The following PRPF6 variants were observed in gnomAD, a reference collection of about 807,000 sequenced individuals.
PRPF6 encodes pre-mRNA processing factor 6, also known as pre-mRNA-processing factor 6.
A neutral mutation model predicts 118.3 loss-of-function variants in PRPF6; 42 were observed. That is an observed-to-expected ratio of 0.35 (90% CI 0.28 to 0.46). The LOEUF (loss-of-function observed/expected upper bound fraction) is 0.46, where lower values mean the gene tolerates loss of function less well. Ranked by LOEUF, PRPF6 falls within the 20% of genes least tolerant of loss-of-function variation. The probability of loss-of-function intolerance (pLI) is 1.00; values close to 1 mark genes in which losing one functional copy is unlikely to be tolerated. For synonymous variants in PRPF6, 481 were observed against 485.1 expected, an observed-to-expected ratio of 0.99 and a Z score of 0.11; for missense variants, 662 against 1,255.7, an observed-to-expected ratio of 0.53 and a Z score of 7.15.
chr20:64,022,658 TATC>T lies in PRPF6; in HGVS notation c.1648-95_1648-93del, dbSNP rs563014510. On this transcript the variant is annotated intron_variant, in intron 12 of 20. Transcript: ENST00000266079. Reference sequence around the variant, plus strand: ...ACACTGTGGTACACCTTCTAGCAGATATCATCTTTCAGAATCGTATGAGCCTGG... The same window carrying T: ...ACACTGTGGTACACCTTCTAGCAGATATCTTTCAGAATCGTATGAGCCTGG... 5,454 of 1,546,000 alleles carry T rather than the reference TATC, an allele frequency of 3.5e-3. 17 individuals carry two copies. The highest frequency in any genetic ancestry group is 4.2e-3 in the Non-Finnish European group (4,744 of 1,121,572).
At chr20:64,014,665 TAAATAAAATA>T (rs970473093) in intron 11 of PRPF6, among the ~76,000 whole-genome samples, 4 of 150,938 alleles carry the variant, frequency 2.7e-5, no homozygotes, top group South Asian at 2.1e-4. Flanking sequence ...TCTCAAAAAA[TAAATAAAATA>T]AAATAAAATG....
At chr20:63,981,543 C>G (rs1048557872) in intron 1 of PRPF6, among the ~76,000 whole-genome samples, 2 of 152,106 alleles carry the variant, frequency 1.3e-5, no homozygotes, top group Non-Finnish European at 2.9e-5. Context: ...GTGTTTTGGT[C>G]TGTAAGATGG....
At chr20:64,004,645 C>G (rs532291506) in intron 9 of PRPF6, among the ~76,000 whole-genome samples, 1 of 152,150 alleles carries the variant, frequency 6.6e-6, no homozygotes, top group Non-Finnish European at 1.5e-5. Context: ...GCTGAGTAAC[C>G]TTAGGCATGG....
intron 6 of PRPF6, among the ~76,000 whole-genome samples, chr20:63,997,493 G>A (rs1428164877): frequency 2.7e-5 from 4 of 148,048 alleles, no homozygotes; most frequent in African/African-American, 7.5e-5. Context: ...GCCTGGCACC[G>A]TCACCCGAGC....
At chr20:64,013,005 A>G (rs2059221522) in intron 11 of PRPF6, among the ~76,000 whole-genome samples, 1 of 139,294 alleles carries the variant, frequency 7.2e-6, no homozygotes, top group Non-Finnish European at 1.5e-5. Flanking sequence ...CACCCAGGCT[A>G]GAGGGCTAGA....
intron 6 of PRPF6, among the ~76,000 whole-genome samples, chr20:63,996,961 G>A (rs1057377703): frequency 2.0e-5 from 3 of 152,096 alleles, no homozygotes; most frequent in Admixed American, 2.0e-4. Flanking sequence ...TAATTTTTTT[G>A]TGGTAAAATA....
chr20:64,003,801 T>C (rs1263452241), intron 9 of PRPF6, among the ~76,000 whole-genome samples: 1 of 152,124 alleles, frequency 6.6e-6, no homozygotes, highest in Admixed American at 6.6e-5. Flanking sequence ...GGTTTCACCA[T>C]GTTAGCCAGG....
chr20:64,016,592 C>T (rs1198506887), intron 11 of PRPF6, 131 bp from the exon 12 acceptor site: 5 of 1,202,494 alleles, frequency 4.2e-6, no homozygotes, highest in Non-Finnish European at 6.0e-6. Context: ...TCCTCAGATC[C>T]CCAGTAGGCA....
intron 11 of PRPF6, among the ~76,000 whole-genome samples, chr20:64,016,125 T>C (rs1331787361): frequency 1.0e-4 from 15 of 147,904 alleles, no homozygotes; most frequent in South Asian, 4.3e-4. Context: ...CTCTCTCTCT[T>C]TTTTTTTTTT....
intron 9 of PRPF6, among the ~76,000 whole-genome samples, chr20:64,008,402 A>G (rs190827694): frequency 1.3e-5 from 2 of 152,026 alleles, no homozygotes; most frequent in East Asian, 3.9e-4. Flanking sequence ...TTGGAGACTC[A>G]TAAGAGTAAG....
intron 5 of PRPF6, 90 bp downstream of exon 5, chr20:63,995,182 G>A: frequency 2.5e-6 from 4 of 1,594,676 alleles, no homozygotes; most frequent in Non-Finnish European, 1.7e-6. Flanking sequence ...CAATGCTTCT[G>A]CAGGTCATGG....
In PRPF6 at chr20:64,021,681, T is replaced by C. The variant is rs543783650; in HGVS notation, c.1648-1076T>C. ...CCTCAGCCACAGCCCCGTGTCTGTG[T>C]GTGCGTGTGTGTGCACGTATGCATA... is the stretch of plus-strand genomic sequence containing the variant. On this transcript the variant is annotated intron_variant, in intron 12 of 20. Coordinates refer to ENST00000266079, the MANE Select transcript of PRPF6 (RefSeq NM_012469.4). Among the ~76,000 whole-genome samples, 497 of 149,648 alleles carry C rather than the reference T, an allele frequency of 3.3e-3. 1 individual carries two copies. Among genetic ancestry groups the C allele is most frequent in the Non-Finnish European group, 4.5e-3 (305 of 67,596 alleles).
chr20:63,995,613 T>A, intron 6 of PRPF6, 131 bp downstream of exon 6: 6 of 1,014,680 alleles, frequency 5.9e-6, no homozygotes, highest in Non-Finnish European at 8.6e-6. Flanking sequence ...CTTCTCCTTC[T>A]CCTTTTTTTT....
intron 7 of PRPF6, 113 bp from the exon 8 acceptor site, chr20:63,999,490 C>CAT (rs2059156416): frequency 1.1e-5 from 15 of 1,401,408 alleles, no homozygotes; most frequent in Non-Finnish European, 1.5e-5. Flanking sequence ...TAACTCAGGA[C>CAT]ATCAGGACTG....
intron 3 of PRPF6, among the ~76,000 whole-genome samples, chr20:63,986,487 ATCT>A (rs1338150155): frequency 2.0e-5 from 3 of 149,562 alleles, no homozygotes; most frequent in Non-Finnish European, 4.4e-5. Flanking sequence ...AAACCATATG[ATCT>A]TTTTTTTTTT....
chr20:63,994,133 A>G (rs1284505367), intron 4 of PRPF6, among the ~76,000 whole-genome samples: 1 of 151,496 alleles, frequency 6.6e-6, no homozygotes, highest in Middle Eastern at 3.2e-3. Context: ...AACAGATCCA[A>G]TAAATTGATT....
At chr20:64,024,791 C>T (rs775078420) in intron 14 of PRPF6, 98 bp downstream of exon 14, 9 of 1,495,490 alleles carry the variant, frequency 6.0e-6, no homozygotes, top group African/African-American at 5.5e-5. Context: ...CAATGTGGCA[C>T]GTGCTGTTGT....
intron 5 of PRPF6, 96 bp downstream of exon 5, chr20:63,995,188 C>T: frequency 6.3e-7 from 1 of 1,591,426 alleles, no homozygotes; most frequent in Non-Finnish European, 8.6e-7. Context: ...TTCTGCAGGT[C>T]ATGGCTATGC....
chr20:64,011,050 A>G lies in PRPF6; in HGVS notation c.1306-235A>G, dbSNP rs2059214543. Among the ~76,000 whole-genome samples the G allele has an allele frequency of 6.6e-6, 1 of 152,194 alleles. No individual in the cohort carries two copies. The highest frequency in any genetic ancestry group is 1.5e-5 in the Non-Finnish European group (1 of 68,032). On this transcript the variant is annotated intron_variant, in intron 10 of 20. Coordinates refer to ENST00000266079, the MANE Select transcript of PRPF6 (RefSeq NM_012469.4). This position sits in a 1 kb window ranked among gnomAD's most constrained non-coding sequence, Gnocchi z 6.7. ...GTGCCTGGAGGCTGTGTTTGTGAAC[A>G]TTCAACTGAGAATCTTTTGATGCTC... is the stretch of plus-strand genomic sequence containing the variant.
Sources: gnomAD v4.1 joint callset for allele counts (sites outside exome capture counted in the v4.1 genomes callset) on GRCh38, gnomAD v4.1.1 for gene constraint, Gnocchi (gnomAD v3.1) non-coding constraint, MANE v1.5 for transcripts, NCBI Gene and HGNC (gene_info 2026-07-23, HGNC 2026-07-21) for gene names.